The following KLRG2 variants were observed in gnomAD, a reference collection of about 807,000 sequenced individuals.
KLRG2 encodes the protein killer cell lectin like receptor G2.
KLRG2 carries 39 observed loss-of-function variants against 35.4 expected under a neutral mutation model. The observed-to-expected ratio is 1.10, with a 90% CI of 0.85 to 1.44. The LOEUF (loss-of-function observed/expected upper bound fraction) is 1.44. KLRG2 is among the 40% of genes most tolerant of loss of function. KLRG2 has a pLI of 0.00. For synonymous variants in KLRG2, 283 were observed against 265.8 expected, an observed-to-expected ratio of 1.06 and a Z score of -0.63; for missense variants, 632 against 570.9, an observed-to-expected ratio of 1.11 and a Z score of -1.09.
the KLRG2 span, among the ~76,000 whole-genome samples, chr7:139,437,980 G>T: frequency 6.6e-6 from 1 of 152,256 alleles, no homozygotes; most frequent in South Asian, 2.1e-4. Flanking sequence ...GTGGCCTGTT[G>T]GGGAAAGAAT....
In KLRG2 at chr7:139,483,619, C is replaced by G. The variant is rs758330586; in HGVS notation, c.24G>C (p.Ala8=). 176 of 1,571,242 alleles carry G rather than the reference C, an allele frequency of 1.1e-4. No homozygotes were observed. Among genetic ancestry groups the G allele is most frequent in the Non-Finnish European group, 1.4e-4 (163 of 1,167,550 alleles). ...GCTCTGCCCCGGCTTGGCCTCCGGG[C>G]GCAGCCTCCCAAGACTCCTCCATCC... MEESWEA[A]PGGQAGAELP... Residue 8 remains alanine (A), a synonymous_variant, in exon 1 of 5, where the codon GCG becomes GCC. Transcript: ENST00000340940.
chr7:139,431,349 T>C, the KLRG2 span, among the ~76,000 whole-genome samples: 2 of 152,192 alleles, frequency 1.3e-5, no homozygotes, highest in African/African-American at 4.8e-5. Context: ...CCTACATTTG[T>C]CAAAAGGCAG....
In KLRG2 at chr7:139,479,620, T is replaced by G; in HGVS notation, c.1005+7A>C. 1 of 1,611,110 alleles carries G rather than the reference T, an allele frequency of 6.2e-7. No homozygotes were observed. Among genetic ancestry groups the G allele is most frequent in the Non-Finnish European group, 8.5e-7 (1 of 1,179,700 alleles). On this transcript the variant is annotated splice_region_variant and intron_variant, in intron 3 of 4. Transcript: ENST00000340940. ...GTACCCCCTTAGATTGGACACCCCC[T>G]TCTCACCTGGGTGTGGCTTAGCAGG... is the stretch of plus-strand genomic sequence containing the variant.
chr7:139,444,467 C>A, the KLRG2 span, among the ~76,000 whole-genome samples: 47 of 152,130 alleles, frequency 3.1e-4, no homozygotes, highest in Non-Finnish European at 4.9e-4. Flanking sequence ...CAGGTGTGGG[C>A]CACCGTGCCC....
chr7:139,480,259 G>C lies in KLRG2; in HGVS notation c.758-12C>G. ...GTACATGGGTAGCCCTGGGACGGGGGCAAACAGGATAATCAGATTAGTGGA... is the reference window on the plus strand; with the variant it reads ...GTACATGGGTAGCCCTGGGACGGGGCCAAACAGGATAATCAGATTAGTGGA... On this transcript the variant is annotated splice_polypyrimidine_tract_variant and intron_variant, in intron 1 of 4. Coordinates refer to ENST00000340940, the MANE Select transcript of KLRG2 (RefSeq NM_198508.4). The C allele has an allele frequency of 2.0e-6, 3 of 1,488,450 alleles. No individual in the cohort carries two copies. The highest frequency in any genetic ancestry group is 2.8e-6 in the Non-Finnish European group (3 of 1,065,908). The allele number at this position is 1,488,450 out of a possible 1,614,324, so 92.2% of individuals were successfully genotyped here.
chr7:139,440,515 CA>C, the KLRG2 span, among the ~76,000 whole-genome samples: 1 of 150,644 alleles, frequency 6.6e-6, no homozygotes, highest in Non-Finnish European at 1.5e-5. Context: ...CTCAACCTCC[CA>C]AAAGTGTTGG....
At chr7:139,443,334 C>T in the KLRG2 span, among the ~76,000 whole-genome samples, 4 of 151,762 alleles carry the variant, frequency 2.6e-5, no homozygotes, top group African/African-American at 9.7e-5. Context: ...GATCCACCCG[C>T]CTTGGCCTCC....
At chr7:139,455,311 C>T (rs1796452816) in intron 3 of KLRG2, among the ~76,000 whole-genome samples, 1 of 150,618 alleles carries the variant, frequency 6.6e-6, no homozygotes, top group Admixed American at 6.7e-5. Flanking sequence ...AGCCACTGTA[C>T]CCGGCCAAGA....
chr7:139,457,629 A>C (rs1251090644), intron 3 of KLRG2, among the ~76,000 whole-genome samples: 1 of 152,002 alleles, frequency 6.6e-6, no homozygotes, highest in African/African-American at 2.4e-5. Context: ...AGCCCCTTTG[A>C]TGCTTACAGC....
Position 139,480,439 on chromosome 7 carries a change from CTTTTTTTT to C in KLRG2, c.758-200_758-193del, listed in dbSNP as rs892455272. ...ATTCTGGAGAAAGAAGCCAGATATT[CTTTTTTTT>C]TTTTTTTTTTTTTTTGGAGACAGAG... On this transcript the variant is annotated intron_variant, in intron 1 of 4. Coordinates refer to ENST00000340940, the MANE Select transcript of KLRG2 (RefSeq NM_198508.4). Among the ~76,000 whole-genome samples the C allele has an allele frequency of 4.7e-5, 4 of 85,202 alleles. No homozygotes were observed. In the East Asian group the frequency reaches 1.4e-3, roughly 31 times the overall value. The allele number at this position is 85,202 out of a possible 152,430, so 55.9% of individuals were successfully genotyped here. A position where few individuals can be genotyped will look rare whatever the true frequency, so the allele number is the denominator to read the frequency against.
intron 3 of KLRG2, among the ~76,000 whole-genome samples, chr7:139,473,574 C>A (rs1356537880): frequency 6.6e-6 from 1 of 152,078 alleles, no homozygotes; most frequent in Non-Finnish European, 1.5e-5. Context: ...TTCTAACATG[C>A]AAAAGACAAA....
intron 3 of KLRG2, among the ~76,000 whole-genome samples, chr7:139,464,554 A>C (rs1796618589): frequency 6.6e-6 from 1 of 152,026 alleles, no homozygotes; most frequent in African/African-American, 2.4e-5. Context: ...TAAATCCTAA[A>C]TCCTTTCCCC....
At chr7:139,427,669 C>T in the KLRG2 span, among the ~76,000 whole-genome samples, 2 of 152,184 alleles carry the variant, frequency 1.3e-5, no homozygotes, top group Admixed American at 1.3e-4. Flanking sequence ...CATCTGAGCC[C>T]TATATCCATA....
At chr7:139,451,124 G>C (rs1194569418), downstream of KLRG2, among the ~76,000 whole-genome samples, 2 of 152,204 alleles carry the variant, frequency 1.3e-5, no homozygotes, top group African/African-American at 4.8e-5. Context: ...ATCTAAAGCA[G>C]AACTGGCTGG....
intron 3 of KLRG2, among the ~76,000 whole-genome samples, chr7:139,455,970 T>G (rs1475120902): frequency 6.6e-6 from 1 of 151,660 alleles, no homozygotes; most frequent in Non-Finnish European, 1.5e-5. Flanking sequence ...AAATGACAAG[T>G]GTATAGAAAA....
chr7:139,458,667 T>G (rs1796517686), intron 3 of KLRG2, among the ~76,000 whole-genome samples: 1 of 152,224 alleles, frequency 6.6e-6, no homozygotes, highest in Non-Finnish European at 1.5e-5. Flanking sequence ...AGGATGTAAA[T>G]GTATTCAATG....
chr7:139,476,285 A>G (rs1183227342), intron 3 of KLRG2, among the ~76,000 whole-genome samples: 1 of 152,086 alleles, frequency 6.6e-6, no homozygotes, highest in Non-Finnish European at 1.5e-5. Flanking sequence ...CGACCTAGGA[A>G]ACAGGGAATC....
the KLRG2 span, among the ~76,000 whole-genome samples, chr7:139,445,205 C>T: frequency 2.0e-5 from 3 of 151,992 alleles, no homozygotes; most frequent in African/African-American, 7.3e-5. Context: ...CTCAGCCTCC[C>T]GAGTAGCTGG....
At chr7:139,460,129 G>T (rs944040002) in intron 3 of KLRG2, among the ~76,000 whole-genome samples, 1 of 152,148 alleles carries the variant, frequency 6.6e-6, no homozygotes, top group Non-Finnish European at 1.5e-5. Flanking sequence ...CAGATGATCT[G>T]CCCGCCTTGG....
Sources: gnomAD v4.1 joint callset for allele counts (sites outside exome capture counted in the v4.1 genomes callset) on GRCh38, gnomAD v4.1.1 for gene constraint, MANE v1.5 for transcripts, NCBI Gene and HGNC (gene_info 2026-07-23, HGNC 2026-07-21) for gene names.